ATF6: variants seen among roughly 807,000 people sequenced by gnomAD.
ATF6 encodes cyclic AMP-dependent transcription factor ATF-6 alpha.
In ATF6, 53 loss-of-function variants were observed where a neutral mutation model predicts 83.6. That is an observed-to-expected ratio of 0.63 (90% confidence interval 0.51 to 0.80). The LOEUF is 0.80. Ranked by LOEUF, ATF6 falls within the 30% of genes least tolerant of loss-of-function variation. ATF6 has a pLI of 0.00. For missense variants in ATF6, 744 were observed against 797.9 expected, an observed-to-expected ratio of 0.93 and a Z score of 0.81; for synonymous variants, 288 against 285.8, an observed-to-expected ratio of 1.01 and a Z score of -0.08.
chr1:161,805,225 A>G (rs1043145862), intron 7 of ATF6, among the ~76,000 whole-genome samples: 1 of 152,088 alleles, frequency 6.6e-6, no homozygotes, highest in Non-Finnish European at 1.5e-5. Context: ...ATTAGTCTTT[A>G]TCTTTTTTCA....
At chr1:161,812,308 TG>T (rs1365741287) in intron 7 of ATF6, among the ~76,000 whole-genome samples, 3 of 150,910 alleles carry the variant, frequency 2.0e-5, no homozygotes, top group African/African-American at 7.3e-5. Flanking sequence ...TGTGTGTGTG[TG>T]TGTGTTTTAA....
chr1:161,914,420 C>T (rs1458529077), intron 15 of ATF6, among the ~76,000 whole-genome samples: 1 of 152,208 alleles, frequency 6.6e-6, no homozygotes, highest in African/African-American at 2.4e-5. Context: ...GTCTACTCCA[C>T]CTTCACTGAC....
intron 15 of ATF6, among the ~76,000 whole-genome samples, chr1:161,951,964 A>C (rs1221804590): frequency 1.3e-5 from 2 of 152,192 alleles, no homozygotes; most frequent in African/African-American, 4.8e-5. Flanking sequence ...GTACCTGGCC[A>C]TTACTGGTCT....
chr1:161,771,364 G>A (rs981085457), intron 1 of ATF6, among the ~76,000 whole-genome samples: 10 of 152,050 alleles, frequency 6.6e-5, no homozygotes, highest in Non-Finnish European at 1.2e-4. Flanking sequence ...TGGCTTTCTA[G>A]CACTAAATCA....
chr1:161,852,156 GATA>G (rs1023910566), intron 11 of ATF6, among the ~76,000 whole-genome samples: 1 of 152,180 alleles, frequency 6.6e-6, no homozygotes, highest in African/African-American at 2.4e-5. Flanking sequence ...CAATTAGGAA[GATA>G]ATAATTTGTG....
rs112892869 is a variant in ATF6, at chr1:161,834,300, C to T, written c.1188-12149C>T. Among the ~76,000 whole-genome samples, 1,153 of 152,124 alleles carry T rather than the reference C, an allele frequency of 7.6e-3. 22 individuals carry two copies. Among genetic ancestry groups the T allele is most frequent in the African/African-American group, 0.027 (1,118 of 41,494 alleles). Reference sequence around the variant, plus strand: ...TTTATAATCCCAAAGGATTATAAATCATGCTGCTATAAAGACACATGCACA... The same window carrying T: ...TTTATAATCCCAAAGGATTATAAATTATGCTGCTATAAAGACACATGCACA... On this transcript the variant is annotated intron_variant, in intron 9 of 15. Transcript: ENST00000367942.
chr1:161,798,988 C>T (rs1685081318), intron 6 of ATF6, among the ~76,000 whole-genome samples: 1 of 152,196 alleles, frequency 6.6e-6, no homozygotes, highest in African/African-American at 2.4e-5. Context: ...AATGCATATA[C>T]ATTGCTGGTG....
chr1:161,947,653 A>T (rs1268104929), intron 15 of ATF6, among the ~76,000 whole-genome samples: 1 of 152,186 alleles, frequency 6.6e-6, no homozygotes, highest in African/African-American at 2.4e-5. Context: ...AAAAAGAAGC[A>T]TTTGTTATCA....
chr1:161,817,900 A>G (rs571796250), intron 7 of ATF6, among the ~76,000 whole-genome samples: 2 of 152,178 alleles, frequency 1.3e-5, no homozygotes, highest in South Asian at 2.1e-4. Context: ...GATTGAGACC[A>G]TCCTGGCTAA....
chr1:161,934,662 A>AT (rs1360278182), intron 15 of ATF6, among the ~76,000 whole-genome samples: 12 of 152,116 alleles, frequency 7.9e-5, no homozygotes, highest in Non-Finnish European at 1.3e-4. Context: ...TAAGCTAGTG[A>AT]TTTTTTCCCC....
chr1:161,805,938 C>A lies in ATF6; in HGVS notation c.909+3666C>A, dbSNP rs371433167. On this transcript the variant is annotated intron_variant, in intron 7 of 15. Transcript: ENST00000367942. ...AGAGGCCTGCTACAGCCATAAGTAG[C>A]GTTTTTAGCATACCATATTCTGCAA... Among the ~76,000 whole-genome samples the A allele has an allele frequency of 9.2e-5, 14 of 152,036 alleles. No homozygotes were observed. In the East Asian group the frequency reaches 1.5e-3, roughly 17 times the overall value.
intron 12 of ATF6, among the ~76,000 whole-genome samples, chr1:161,858,848 G>A (rs1686819295): frequency 6.6e-6 from 1 of 152,162 alleles, no homozygotes; most frequent in Admixed American, 6.6e-5. Flanking sequence ...CTGTTTGCCT[G>A]ATATCTCTGT....
intron 9 of ATF6, among the ~76,000 whole-genome samples, chr1:161,824,570 G>A (rs991340183): frequency 5.3e-5 from 8 of 152,120 alleles, no homozygotes; most frequent in African/African-American, 1.7e-4. Flanking sequence ...CTCCCTGGAG[G>A]TATTTTTATC....
At chr1:161,872,263 A>T (rs183507763) in intron 14 of ATF6, among the ~76,000 whole-genome samples, 7 of 151,824 alleles carry the variant, frequency 4.6e-5, no homozygotes. Flanking sequence ...TAGAAATAGC[A>T]GTCAGAATTT....
intron 14 of ATF6, among the ~76,000 whole-genome samples, chr1:161,904,988 G>T (rs1458273354): frequency 6.6e-6 from 1 of 152,162 alleles, no homozygotes; most frequent in Non-Finnish European, 1.5e-5. Context: ...TGCTTTAGGG[G>T]CATTTTATAG....
At chr1:161,866,258 T>G (rs1216162926) in intron 14 of ATF6, among the ~76,000 whole-genome samples, 2 of 152,264 alleles carry the variant, frequency 1.3e-5, no homozygotes, top group African/African-American at 4.8e-5. Flanking sequence ...TCTAAAGATG[T>G]AGAAGTAGCC....
intron 14 of ATF6, among the ~76,000 whole-genome samples, chr1:161,906,912 C>T (rs1481743489): frequency 6.6e-6 from 1 of 152,124 alleles, no homozygotes; most frequent in Non-Finnish European, 1.5e-5. Flanking sequence ...TTTTACTATG[C>T]TGAGAAGCCC....
chr1:161,916,898 G>A (rs998803354), intron 15 of ATF6, among the ~76,000 whole-genome samples: 17 of 152,130 alleles, frequency 1.1e-4, no homozygotes, highest in African/African-American at 3.9e-4. Flanking sequence ...CTTTCCAGTC[G>A]TTCCCCTCCT....
At chr1:161,869,945 T>C (rs1206122700) in intron 14 of ATF6, among the ~76,000 whole-genome samples, 2 of 151,768 alleles carry the variant, frequency 1.3e-5, no homozygotes, top group African/African-American at 4.8e-5. Flanking sequence ...CAAAGAGAGA[T>C]TAAGTAGCTT....
Sources: allele counts gnomAD v4.1 joint callset (sites outside exome capture counted in the v4.1 genomes callset), GRCh38; gene constraint gnomAD v4.1.1; transcripts MANE v1.5; gene names NCBI Gene and HGNC (gene_info 2026-07-23, HGNC 2026-07-21).